The following ADA variants were observed in gnomAD, a reference collection of about 807,000 sequenced individuals.
ADA encodes adenosine aminohydrolase.
In ADA, 45 loss-of-function variants were observed where a neutral mutation model predicts 49.0. That is an observed-to-expected ratio of 0.92 (90% confidence interval 0.72 to 1.18). The LOEUF (loss-of-function observed/expected upper bound fraction) is 1.18, where lower values mean the gene tolerates loss of function less well. Among genes scored for constraint, ADA ranks in the 50% most tolerant of loss-of-function variants. The pLI is 0.00. For missense variants in ADA, 445 were observed against 472.5 expected (o/e 0.94, Z 0.54); for synonymous variants, 173 against 184.2 (o/e 0.94, Z 0.49).
chr20:44,628,525 CAATAAATA>C (rs3091476), intron 3 of ADA, among the ~76,000 whole-genome samples: 30,549 of 149,216 alleles, frequency 0.2, 3,569 homozygotes, highest in African/African-American at 0.33. Flanking sequence ...GACTCTGTCT[CAATAAATA>C]AATAAATAAA....
chr20:44,641,032 G>A (rs1046106397), intron 1 of ADA, among the ~76,000 whole-genome samples: 3 of 152,108 alleles, frequency 2.0e-5, no homozygotes, highest in Admixed American at 6.6e-5. Flanking sequence ...AGCCATGCAG[G>A]GTGTGGCAAC....
intron 2 of ADA, among the ~76,000 whole-genome samples, chr20:44,632,513 A>T (rs990028415): frequency 6.6e-6 from 1 of 151,974 alleles, no homozygotes; most frequent in African/African-American, 2.4e-5. Context: ...AGCACAGGGG[A>T]CTCCCAGTGT....
At chr20:44,628,944 G>T in intron 3 of ADA, 103 bp downstream of exon 3, 1 of 1,561,202 alleles carries the variant, frequency 6.4e-7, no homozygotes, top group Middle Eastern at 1.7e-4. Context: ...GACAGCTGTG[G>T]TTTCAGAGCA....
chr20:44,628,571 T>C (rs1474911608), intron 3 of ADA, among the ~76,000 whole-genome samples: 1 of 151,540 alleles, frequency 6.6e-6, no homozygotes, highest in African/African-American at 2.4e-5. Context: ...AAAGCAGTCA[T>C]GGAAATTTCT....
chr20:44,628,782 C>T (rs1933953086), intron 3 of ADA, among the ~76,000 whole-genome samples: 1 of 152,062 alleles, frequency 6.6e-6, no homozygotes, highest in Admixed American at 6.5e-5. Context: ...AAGCCCTGCA[C>T]TGCCTCTGAC....
intron 6 of ADA, 118 bp from the exon 7 acceptor site, chr20:44,623,196 G>A (rs2065350034): frequency 6.9e-7 from 1 of 1,448,200 alleles, no homozygotes; most frequent in African/African-American, 1.4e-5. Flanking sequence ...CAACAGCATG[G>A]GGAAACCTGG....
intron 1 of ADA, among the ~76,000 whole-genome samples, chr20:44,648,214 C>T (rs138816094): frequency 1.3e-5 from 2 of 152,196 alleles, no homozygotes; most frequent in East Asian, 3.9e-4. Context: ...CCCTGCAACC[C>T]CCCTTTCCAC....
chr20:44,622,347 G>A (rs2065339921), intron 9 of ADA, among the ~76,000 whole-genome samples: 1 of 152,226 alleles, frequency 6.6e-6, no homozygotes, highest in Non-Finnish European at 1.5e-5. Context: ...TGCTCCAGCT[G>A]ATGAGCTGTA....
At chr20:44,622,185 C>T (rs1166995828) in intron 9 of ADA, among the ~76,000 whole-genome samples, 3 of 152,210 alleles carry the variant, frequency 2.0e-5, no homozygotes, top group Non-Finnish European at 4.4e-5. Context: ...TTCAAGATGG[C>T]GCTCAGGGGA....
rs2065384997 is a variant in ADA, at chr20:44,626,593, G to A, written c.225C>T (p.Cys75=). The A allele has an allele frequency of 6.2e-7, 1 of 1,613,942 alleles. No individual in the cohort carries two copies. The highest frequency in any genetic ancestry group is 8.5e-7 in the Non-Finnish European group (1 of 1,180,028). ...FDYYMPAIAG[C]REAIKRIAYE... ...AGGCGATCCTTTTGATAGCCTCCCG[G>A]CAGCCCCTGGGAAGGGAAGAAAGGG... Residue 75 remains cysteine, a synonymous_variant, in exon 4 of 12, where the codon TGC becomes TGT. Transcript: ENST00000372874.
At chr20:44,639,274 G>A (rs2065509358) in intron 1 of ADA, among the ~76,000 whole-genome samples, 1 of 152,122 alleles carries the variant, frequency 6.6e-6, no homozygotes, top group Non-Finnish European at 1.5e-5. Context: ...GTTAGGCCTG[G>A]GTGGGGAGCA....
In ADA at chr20:44,626,522, T is replaced by C; in HGVS notation, c.296A>G (p.Glu99Gly). The C allele has an allele frequency of 6.2e-7, 1 of 1,614,162 alleles. No homozygotes were observed. The highest frequency in any genetic ancestry group is 8.5e-7 in the Non-Finnish European group (1 of 1,180,030). Residue 99 changes from glutamate (E) to glycine (G), a missense_variant, in exon 4 of 12, where the codon GAG (glutamate) becomes GGG (glycine). Glu to Gly is a moderately conservative substitution (Grantham distance 98). Coordinates refer to ENST00000372874, the MANE Select transcript of ADA (RefSeq NM_000022.4). The part of the protein sequence containing the change: ...MKAKEGVVYV[E>G]VRYSPHLLAN... ...CAGCAGGTGCGGACTGTACCGCACC[T>C]CCACATACACCACGCCCTCTTTGGC...
chr20:44,632,778 C>T (rs1334983925), intron 2 of ADA, among the ~76,000 whole-genome samples: 3 of 152,218 alleles, frequency 2.0e-5, no homozygotes, highest in Non-Finnish European at 4.4e-5. Context: ...CTGCAACCTT[C>T]ACCTCCCTGG....
chr20:44,621,087 G>A lies in ADA; in HGVS notation c.906C>T (p.Ser302=), dbSNP rs2123510993. The A allele has an allele frequency of 6.2e-7, 1 of 1,614,174 alleles. No individual in the cohort carries two copies. Among genetic ancestry groups the A allele is most frequent in the East Asian group, 2.2e-5 (1 of 44,882 alleles). ...LNTDDPLIFK[S]TLDTDYQMTK... The stretch of plus-strand genomic sequence containing the variant: ...TCATCTGGTAATCAGTGTCCAGGGT[G>A]GACTTGAAGATGAGCGGGTCATCTG... Residue 302 remains serine (S), a synonymous_variant, in exon 10 of 12, where the codon TCC becomes TCT. Coordinates refer to ENST00000372874, the MANE Select transcript of ADA (RefSeq NM_000022.4).
intron 10 of ADA, chr20:44,620,712 A>G: frequency 1.8e-6 from 1 of 560,368 alleles, no homozygotes. Flanking sequence ...CTGGGATTTA[A>G]GAACAACCTG....
At chr20:44,624,012 C>T (rs2065358298) in intron 6 of ADA, 190 bp downstream of exon 6, 1 of 761,732 alleles carries the variant, frequency 1.3e-6, no homozygotes, top group Non-Finnish European at 2.1e-6. Context: ...TCCCAAAGTG[C>T]TGGGATCACA....
chr20:44,620,517 G>A (rs2065319490), intron 10 of ADA, 116 bp from the exon 11 acceptor site: 2 of 884,548 alleles, frequency 2.3e-6, no homozygotes, highest in East Asian at 5.0e-5. Flanking sequence ...CTTAGAGGGG[G>A]AAGGATTTGT....
chr20:44,621,224 C>A, intron 9 of ADA, 77 bp from the exon 10 acceptor site: 3 of 1,579,174 alleles, frequency 1.9e-6, no homozygotes, highest in Non-Finnish European at 2.6e-6. Flanking sequence ...GACGTTCACC[C>A]GCCTTTGATC....
chr20:44,622,689 C>A, intron 8 of ADA, 37 bp from the exon 9 acceptor site: 1 of 1,613,882 alleles, frequency 6.2e-7, no homozygotes, highest in African/African-American at 1.3e-5. Context: ...GGGATGGCCC[C>A]AGGCCATGCT....
Sources: gnomAD v4.1 joint callset for allele counts (sites outside exome capture counted in the v4.1 genomes callset) on GRCh38, gnomAD v4.1.1 for gene constraint, MANE v1.5 for transcripts, NCBI Gene and HGNC (gene_info 2026-07-23, HGNC 2026-07-21) for gene names.